Variants in TUSC3 observed in about 807,000 individuals in gnomAD.
TUSC3 encodes the protein dolichyl-diphosphooligosaccharide--protein glycosyltransferase subunit TUSC3.
Under a neutral mutation model 44.8 loss-of-function variants are expected in TUSC3, and 45 were observed. The ratio of observed to expected loss-of-function variants is 1.00; its 90% confidence interval spans 0.79 to 1.29. TUSC3 has a LOEUF of 1.29. Among genes scored for constraint, TUSC3 ranks in the 50% most tolerant of loss-of-function variants. TUSC3 has a pLI of 0.00. For missense variants in TUSC3, 519 were observed against 437.9 expected, an observed-to-expected ratio of 1.19 and a Z score of -1.65; for synonymous variants, 212 against 152.9, an observed-to-expected ratio of 1.39 and a Z score of -2.85.
chr8:15,604,849 C>T (rs1423569165), intron 1 of TUSC3, among the ~76,000 whole-genome samples: 2 of 151,854 alleles, frequency 1.3e-5, no homozygotes, highest in African/African-American at 4.8e-5. Flanking sequence ...CAAACTTTAT[C>T]TTACAAGACC....
chr8:15,720,201 T>TATATACACACACACAC (rs369753796), intron 6 of TUSC3, among the ~76,000 whole-genome samples: 7 of 141,706 alleles, frequency 4.9e-5, no homozygotes, highest in African/African-American at 1.6e-4. Flanking sequence ...TATATATATA[T>TATATACACACACACAC]ACACACACAC....
chr8:15,474,986 T>A (rs1002802255), intron 1 of TUSC3, among the ~76,000 whole-genome samples: 12 of 152,076 alleles, frequency 7.9e-5, no homozygotes, highest in African/African-American at 2.9e-4. Context: ...ATGAAAAGAT[T>A]CATTTCCTTT....
intron 2 of TUSC3, among the ~76,000 whole-genome samples, chr8:15,484,011 A>C (rs1014627383): frequency 1.3e-5 from 2 of 152,008 alleles, no homozygotes; most frequent in Admixed American, 1.3e-4. Context: ...GGTAATTGAC[A>C]TTGCTATGTG....
the TUSC3 span, among the ~76,000 whole-genome samples, chr8:15,823,930 A>C: frequency 1.3e-5 from 2 of 152,238 alleles, no homozygotes; most frequent in African/African-American, 4.8e-5. Flanking sequence ...TCTGAAATGG[A>C]ATATGATGCC....
the TUSC3 span, among the ~76,000 whole-genome samples, chr8:15,813,187 G>A: frequency 1.3e-5 from 2 of 152,126 alleles, no homozygotes; most frequent in South Asian, 4.1e-4. Flanking sequence ...TTTTATATTT[G>A]CTGGAGAATT....
At chr8:15,769,916 G>A (rs535313823), downstream of TUSC3, among the ~76,000 whole-genome samples, 4 of 152,272 alleles carry the variant, frequency 2.6e-5, no homozygotes, top group South Asian at 8.3e-4. Flanking sequence ...GGAAACAACA[G>A]GTGCTAGAGA....
At chr8:15,772,849 G>T in the TUSC3 span, among the ~76,000 whole-genome samples, 1 of 152,176 alleles carries the variant, frequency 6.6e-6, no homozygotes, top group Non-Finnish European at 1.5e-5. Context: ...TTCAACATAT[G>T]AGAAAGAAAA....
chr8:15,463,327 A>G (rs1377033040), intron 1 of TUSC3, among the ~76,000 whole-genome samples: 1 of 152,170 alleles, frequency 6.6e-6, no homozygotes, highest in African/African-American at 2.4e-5. Flanking sequence ...ATCACTATGA[A>G]TCACATCATA....
the TUSC3 span, chr8:15,807,134 A>C: frequency 7.9e-6 from 8 of 1,013,446 alleles, no homozygotes; most frequent in African/African-American, 1.1e-4. Flanking sequence ...ACCACCTTTC[A>C]AGTCCACTTG....
intron 6 of TUSC3, among the ~76,000 whole-genome samples, chr8:15,720,488 G>A (rs1810262486): frequency 6.6e-6 from 1 of 151,970 alleles, no homozygotes; most frequent in South Asian, 2.1e-4. Flanking sequence ...CCTTACCAGT[G>A]CCATTTTTAT....
chr8:15,597,332 G>C (rs1210866581), intron 1 of TUSC3, among the ~76,000 whole-genome samples: 2 of 152,056 alleles, frequency 1.3e-5, no homozygotes, highest in African/African-American at 4.8e-5. Flanking sequence ...AGTGTAATCT[G>C]GGACAGTTTT....
intron 1 of TUSC3, among the ~76,000 whole-genome samples, chr8:15,589,308 C>T (rs1377027538): frequency 6.6e-6 from 1 of 152,100 alleles, no homozygotes; most frequent in Non-Finnish European, 1.5e-5. Flanking sequence ...AAACTATTTA[C>T]ATTTTGATTC....
intron 6 of TUSC3, among the ~76,000 whole-genome samples, chr8:15,684,174 T>C (rs12678058): frequency 0.49 from 73,511 of 151,250 alleles, 18,610 homozygotes; most frequent in East Asian, 0.67. Context: ...ATTCAACTAC[T>C]GGTGCCTTTC....
At chr8:15,799,980 G>A in the TUSC3 span, among the ~76,000 whole-genome samples, 1 of 152,186 alleles carries the variant, frequency 6.6e-6, no homozygotes, top group Admixed American at 6.5e-5. Flanking sequence ...TCAGTAGGTT[G>A]CACTACAGGA....
At chr8:15,577,316 A>G (rs1585118646) in intron 1 of TUSC3, among the ~76,000 whole-genome samples, 1 of 151,758 alleles carries the variant, frequency 6.6e-6, no homozygotes. Flanking sequence ...CTTGAGTTTA[A>G]TGAGATCCCA....
intron 3 of TUSC3, among the ~76,000 whole-genome samples, chr8:15,658,639 T>TACACACACACAC (rs57739356): frequency 2.0e-5 from 3 of 148,600 alleles, no homozygotes; most frequent in South Asian, 4.3e-4. Flanking sequence ...CACATATATA[T>TACACACACACAC]ACACACACAC....
chr8:15,802,072 G>A, the TUSC3 span, among the ~76,000 whole-genome samples: 1 of 152,050 alleles, frequency 6.6e-6, no homozygotes, highest in Non-Finnish European at 1.5e-5. Context: ...CTGCCGTGCT[G>A]TTACACGTGA....
intron 6 of TUSC3, among the ~76,000 whole-genome samples, chr8:15,721,656 C>A (rs956560138): frequency 6.6e-6 from 1 of 151,914 alleles, no homozygotes; most frequent in Non-Finnish European, 1.5e-5. Context: ...CAAGAAAATT[C>A]TATGAAAGTA....
intron 6 of TUSC3, among the ~76,000 whole-genome samples, chr8:15,693,168 C>A (rs1808998380): frequency 6.6e-6 from 1 of 152,184 alleles, no homozygotes; most frequent in Non-Finnish European, 1.5e-5. Flanking sequence ...AAGGTTGATA[C>A]TGATATGTAT....
Sources: allele counts gnomAD v4.1 joint callset (sites outside exome capture counted in the v4.1 genomes callset), GRCh38; gene constraint gnomAD v4.1.1; transcripts MANE v1.5; gene names NCBI Gene and HGNC (gene_info 2026-07-23, HGNC 2026-07-21).